Variants in CSMD1 observed in about 807,000 individuals in gnomAD.
The protein encoded by CSMD1 is CUB and Sushi multiple domains 1.
In CSMD1, 213 loss-of-function variants were observed where a neutral mutation model predicts 417.5. The observed-to-expected ratio is 0.51, with a 90% CI of 0.46 to 0.57. The LOEUF is 0.57. Ranked by LOEUF, CSMD1 falls within the 20% of genes least tolerant of loss-of-function variation. CSMD1 has a pLI of 0.00. For synonymous variants in CSMD1, 2,862 were observed against 1,736.8 expected (o/e 1.65, Z -16.11); for missense variants, 6,923 against 4,529.7 (o/e 1.53, Z -15.17).
intron 3 of CSMD1, among the ~76,000 whole-genome samples, chr8:4,077,985 C>G (rs1247260439): frequency 1.3e-5 from 2 of 152,056 alleles, no homozygotes; most frequent in Non-Finnish European, 2.9e-5. Context: ...TCTCCGATTC[C>G]TCTTTCATCT....
intron 14 of CSMD1, 150 bp from the exon 15 acceptor site, chr8:3,406,371 A>C: frequency 1.8e-6 from 1 of 566,006 alleles, no homozygotes; most frequent in East Asian, 3.0e-5. Context: ...TAGATAGATA[A>C]TACATTAATA....
intron 51 of CSMD1, among the ~76,000 whole-genome samples, chr8:3,023,103 C>T (rs1809577641): frequency 6.6e-6 from 1 of 152,214 alleles, no homozygotes; most frequent in Non-Finnish European, 1.5e-5. Context: ...AATGACTACG[C>T]TGTGGTTTCC....
At chr8:3,277,825 G>A (rs1346148697) in intron 26 of CSMD1, among the ~76,000 whole-genome samples, 1 of 152,126 alleles carries the variant, frequency 6.6e-6, no homozygotes, top group African/African-American at 2.4e-5. Flanking sequence ...GGATTGGGGG[G>A]ATGAATTATG....
chr8:4,412,941 T>TG lies in CSMD1; in HGVS notation c.415+7011_415+7012insC, dbSNP rs1226247581. Among the ~76,000 whole-genome samples the TG allele has an allele frequency of 2.2e-3, 329 of 152,336 alleles. 2 individuals carry two copies. Among genetic ancestry groups the TG allele is most frequent in the African/African-American group, 7.7e-3 (322 of 41,570 alleles). ...TAAAAGAAAAGTTGACGCCTCAGGT[T>TG]AACAGAACTTGTATCATCAATGGAC... On this transcript the variant is annotated intron_variant, in intron 3 of 69. Coordinates refer to ENST00000635120, the MANE Select transcript of CSMD1 (RefSeq NM_033225.6).
At chr8:4,208,056 C>T (rs970211908) in intron 3 of CSMD1, among the ~76,000 whole-genome samples, 1 of 152,106 alleles carries the variant, frequency 6.6e-6, no homozygotes, top group Non-Finnish European at 1.5e-5. Context: ...GGGTAATTCA[C>T]TTTTGTTCAG....
intron 10 of CSMD1, among the ~76,000 whole-genome samples, chr8:3,524,048 C>T (rs928780785): frequency 2.7e-5 from 4 of 146,158 alleles, no homozygotes; most frequent in Non-Finnish European, 6.1e-5. Context: ...CACCCAGAGA[C>T]ACGTGCACAC....
At chr8:4,713,999 G>A (rs569960459) in intron 1 of CSMD1, among the ~76,000 whole-genome samples, 319 of 152,206 alleles carry the variant, frequency 2.1e-3, no homozygotes, top group Non-Finnish European at 3.7e-3. Context: ...ACAAAAATTA[G>A]CCAAGCATGG....
chr8:4,788,680 T>C (rs1258976972), intron 1 of CSMD1: 1 of 570,298 alleles, frequency 1.8e-6, no homozygotes, highest in East Asian at 2.8e-5. Context: ...AATTATAAAT[T>C]AGAGAACACA....
At chr8:4,848,660 C>G (rs890838518) in intron 1 of CSMD1, among the ~76,000 whole-genome samples, 11 of 152,010 alleles carry the variant, frequency 7.2e-5, no homozygotes, top group Non-Finnish European at 1.5e-4. Flanking sequence ...CTGGCTCTGC[C>G]TCTCGAGTAG....
chr8:3,455,334 A>G (rs1158221886), intron 12 of CSMD1, among the ~76,000 whole-genome samples: 3 of 152,082 alleles, frequency 2.0e-5, no homozygotes, highest in African/African-American at 7.2e-5. Context: ...TCTCTGTCCA[A>G]CGTTGCTCCA....
At chr8:4,084,612 G>A (rs1327348259) in intron 3 of CSMD1, among the ~76,000 whole-genome samples, 3 of 152,112 alleles carry the variant, frequency 2.0e-5, no homozygotes, top group Non-Finnish European at 2.9e-5. Context: ...ATGAAAGCGA[G>A]CCTTCCAGAG....
At position 3,593,457 on chromosome 8, in the gene CSMD1, G is replaced by A. The variant is rs190995681; in HGVS notation, c.1098-7197C>T. Among the ~76,000 whole-genome samples the A allele has an allele frequency of 2.0e-5, 3 of 152,300 alleles. No homozygotes were observed. In the East Asian group the frequency reaches 5.8e-4, roughly 30 times the overall value. On this transcript the variant is annotated intron_variant, in intron 8 of 69. Transcript: ENST00000635120. ...TAGGAAAGGTTATGACTGGGAGTGA[G>A]TGGCACAGGCGGGATGGAGGAGAGA...
At chr8:4,773,406 C>T (rs949705495) in intron 1 of CSMD1, among the ~76,000 whole-genome samples, 1 of 152,166 alleles carries the variant, frequency 6.6e-6, no homozygotes, top group Non-Finnish European at 1.5e-5. Flanking sequence ...CTTGTTTCTG[C>T]AGCAGTTGCT....
At chr8:4,271,866 G>A (rs1027409698) in intron 3 of CSMD1, among the ~76,000 whole-genome samples, 3 of 152,082 alleles carry the variant, frequency 2.0e-5, no homozygotes, top group Admixed American at 1.3e-4. Flanking sequence ...TGCATTCCAC[G>A]ATGCATACAG....
At chr8:4,110,207 G>T (rs879661708) in intron 3 of CSMD1, among the ~76,000 whole-genome samples, 3 of 152,074 alleles carry the variant, frequency 2.0e-5, no homozygotes, top group Admixed American at 6.6e-5. Flanking sequence ...TTAAAATCTA[G>T]AGAATATAGA....
At chr8:3,907,325 G>A (rs751657822) in intron 5 of CSMD1, among the ~76,000 whole-genome samples, 19 of 152,112 alleles carry the variant, frequency 1.2e-4, no homozygotes, top group African/African-American at 4.3e-4. Context: ...CATATTTGCT[G>A]TTTCTAAAAG....
intron 1 of CSMD1, among the ~76,000 whole-genome samples, chr8:4,702,328 G>C (rs1033760752): frequency 3.3e-5 from 5 of 152,152 alleles, no homozygotes; most frequent in African/African-American, 4.8e-5. Context: ...CCTCTGACTG[G>C]ATTAGGAATC....
At chr8:4,064,454 C>T (rs1799139467) in intron 3 of CSMD1, among the ~76,000 whole-genome samples, 1 of 152,170 alleles carries the variant, frequency 6.6e-6, no homozygotes, top group Non-Finnish European at 1.5e-5. Context: ...TTTAAATTTT[C>T]ATATATCAAA....
At chr8:4,757,851 G>A (rs1585051481) in intron 1 of CSMD1, among the ~76,000 whole-genome samples, 1 of 151,324 alleles carries the variant, frequency 6.6e-6, no homozygotes, top group African/African-American at 2.4e-5. Context: ...CCCAGCTACT[G>A]GGGAAGCTGA....
Sources: gnomAD v4.1 joint callset for allele counts (sites outside exome capture counted in the v4.1 genomes callset) on GRCh38, gnomAD v4.1.1 for gene constraint, MANE v1.5 for transcripts, NCBI Gene and HGNC (gene_info 2026-07-23, HGNC 2026-07-21) for gene names.